The following ANAPC10 variants were observed in gnomAD, a reference collection of about 807,000 sequenced individuals.
ANAPC10 encodes the protein anaphase promoting complex subunit 10.
Under a neutral mutation model 22.0 loss-of-function variants are expected in ANAPC10, and 12 were observed. That is an observed-to-expected ratio of 0.55 (90% confidence interval 0.35 to 0.88). The LOEUF is 0.88. Among genes scored for constraint, ANAPC10 ranks in the 40% least tolerant of loss-of-function variants. The pLI is 0.01. For synonymous variants in ANAPC10, 65 were observed against 69.5 expected, an observed-to-expected ratio of 0.94 and a Z score of 0.32; for missense variants, 188 against 220.9, an observed-to-expected ratio of 0.85 and a Z score of 0.94.
At chr4:145,086,167 C>T (rs1485739563) in intron 2 of ANAPC10, among the ~76,000 whole-genome samples, 8 of 152,218 alleles carry the variant, frequency 5.3e-5, no homozygotes, top group Middle Eastern at 3.4e-3. Context: ...TTCACCATGT[C>T]GGCCAGATTG....
intron 4 of ANAPC10, among the ~76,000 whole-genome samples, chr4:145,014,717 T>C (rs1201495608): frequency 1.3e-5 from 2 of 152,174 alleles, no homozygotes; most frequent in Admixed American, 6.5e-5. Flanking sequence ...GAATAGGTGC[T>C]GGTATCCATG....
In ANAPC10 at chr4:144,995,328, G is replaced by A; in HGVS notation, c.*45C>T. On this transcript the variant is annotated 3_prime_UTR_variant, in exon 5 of 5. Coordinates refer to ENST00000507656, the MANE Select transcript of ANAPC10 (RefSeq NM_001256706.2). Reference sequence around the variant, plus strand: ...GTACATGATATATTATTTAAATACAGGATAAAACAAAGATACGTTTAATGA... The same window carrying A: ...GTACATGATATATTATTTAAATACAAGATAAAACAAAGATACGTTTAATGA... The A allele has an allele frequency of 7.8e-7, 1 of 1,276,500 alleles. No individual in the cohort carries two copies. The highest frequency in any genetic ancestry group is 1.1e-6 in the Non-Finnish European group (1 of 889,836). 79.1% of individuals were successfully genotyped at this position (1,276,500 alleles called of 1,614,324 possible). A position where few individuals can be genotyped will look rare whatever the true frequency, so the allele number is the denominator to read the frequency against.
At chr4:145,044,395 ATG>A (rs561693691) in intron 4 of ANAPC10, among the ~76,000 whole-genome samples, 23 of 152,062 alleles carry the variant, frequency 1.5e-4, no homozygotes, top group Non-Finnish European at 3.1e-4. Flanking sequence ...ATTTCAAAAA[ATG>A]TGTGTTTCTC....
At chr4:145,062,550 T>G (rs923097029) in intron 4 of ANAPC10, among the ~76,000 whole-genome samples, 1 of 151,970 alleles carries the variant, frequency 6.6e-6, no homozygotes, top group African/African-American at 2.4e-5. Flanking sequence ...GAGGTTGCAG[T>G]GAGCCAAGAT....
At chr4:145,083,851 T>C (rs17725458) in intron 2 of ANAPC10, among the ~76,000 whole-genome samples, 42,408 of 152,182 alleles carry the variant, frequency 0.28, 7,444 homozygotes, top group Non-Finnish European at 0.38. Context: ...ACCTGATAGA[T>C]TAAAAAAATT....
chr4:145,039,869 C>T (rs769390341), intron 4 of ANAPC10, among the ~76,000 whole-genome samples: 4 of 152,104 alleles, frequency 2.6e-5, no homozygotes, highest in African/African-American at 9.7e-5. Flanking sequence ...GCTGGAATTA[C>T]AGGCGTAAGT....
chr4:145,003,102 G>A (rs1469151769), intron 4 of ANAPC10, among the ~76,000 whole-genome samples: 1 of 152,092 alleles, frequency 6.6e-6, no homozygotes, highest in Non-Finnish European at 1.5e-5. Context: ...ACTTAAAAGT[G>A]AGATCATGCA....
At chr4:145,014,416 C>G (rs930013328) in intron 4 of ANAPC10, among the ~76,000 whole-genome samples, 10 of 152,042 alleles carry the variant, frequency 6.6e-5, no homozygotes, top group Non-Finnish European at 1.3e-4. Flanking sequence ...CCCTATCCCC[C>G]ACAGCAGCTG....
chr4:145,067,292 T>C (rs1168104314), intron 3 of ANAPC10, among the ~76,000 whole-genome samples: 1 of 152,160 alleles, frequency 6.6e-6, no homozygotes, highest in Non-Finnish European at 1.5e-5. Flanking sequence ...ATTATAATAA[T>C]AATCACTCCA....
At chr4:145,090,641 T>C (rs930667131) in intron 2 of ANAPC10, among the ~76,000 whole-genome samples, 1 of 152,234 alleles carries the variant, frequency 6.6e-6, no homozygotes, top group African/African-American at 2.4e-5. Flanking sequence ...TTAATCTTTC[T>C]GTACTAGTTT....
At chr4:145,053,530 A>C in intron 4 of ANAPC10, 1 of 402,080 alleles carries the variant, frequency 2.5e-6, no homozygotes, top group African/African-American at 2.1e-5. Flanking sequence ...CAGATTCTAA[A>C]AAAGTGGTGA....
intron 4 of ANAPC10, among the ~76,000 whole-genome samples, chr4:145,052,155 G>A (rs978799835): frequency 1.3e-5 from 2 of 152,108 alleles, no homozygotes; most frequent in Non-Finnish European, 1.5e-5. Context: ...TAAAATTTCG[G>A]TGAGGCATAA....
At chr4:145,035,242 T>C (rs1738331657) in intron 4 of ANAPC10, 1 of 152,238 alleles carries the variant, frequency 6.6e-6, no homozygotes, top group African/African-American at 2.4e-5. Context: ...CACTGCTCTG[T>C]GTGCATCTCT....
intron 4 of ANAPC10, among the ~76,000 whole-genome samples, chr4:145,016,133 G>T (rs1735090256): frequency 6.6e-6 from 1 of 152,118 alleles, no homozygotes; most frequent in Non-Finnish European, 1.5e-5. Flanking sequence ...AATCAGGCAG[G>T]AGAAAGAAAT....
intron 4 of ANAPC10, among the ~76,000 whole-genome samples, chr4:145,023,572 A>G (rs990422252): frequency 6.6e-6 from 1 of 152,210 alleles, no homozygotes; most frequent in African/African-American, 2.4e-5. Context: ...AAAGCAAGTC[A>G]CACAAATTTT....
chr4:145,028,618 T>C (rs1737090383), intron 4 of ANAPC10, among the ~76,000 whole-genome samples: 1 of 152,190 alleles, frequency 6.6e-6, no homozygotes, highest in Admixed American at 6.6e-5. Flanking sequence ...GGCTGCTTAA[T>C]ATGATTAGAC....
At chr4:145,082,568 T>C (rs750176558) in intron 2 of ANAPC10, among the ~76,000 whole-genome samples, 4 of 152,254 alleles carry the variant, frequency 2.6e-5, no homozygotes, top group Non-Finnish European at 4.4e-5. Flanking sequence ...AAGTTCAATA[T>C]GCCATGCTTA....
At chr4:145,055,564 T>TA (rs200088692) in intron 4 of ANAPC10, among the ~76,000 whole-genome samples, 33 of 135,614 alleles carry the variant, frequency 2.4e-4, no homozygotes, top group East Asian at 6.3e-4. Context: ...TCTCAATAAA[T>TA]AAAAAAAAAA....
intron 4 of ANAPC10, among the ~76,000 whole-genome samples, chr4:145,054,144 T>A (rs1402244451): frequency 1.3e-5 from 2 of 151,568 alleles, no homozygotes; most frequent in African/African-American, 4.8e-5. Context: ...CTTGACTTTG[T>A]GATCTGCCCG....
Sources: gnomAD v4.1 joint callset for allele counts (sites outside exome capture counted in the v4.1 genomes callset) on GRCh38, gnomAD v4.1.1 for gene constraint, MANE v1.5 for transcripts, NCBI Gene and HGNC (gene_info 2026-07-23, HGNC 2026-07-21) for gene names.